The following RPA1 variants were observed in gnomAD, a reference collection of about 807,000 sequenced individuals.
The protein encoded by RPA1 is replication protein A1.
In RPA1, 49 loss-of-function variants were observed where a neutral mutation model predicts 83.0. That is an observed-to-expected ratio of 0.59 (90% CI 0.47 to 0.75). The LOEUF is 0.75. RPA1 is among the 30% of genes least tolerant of loss of function. The pLI is 0.00. For synonymous variants in RPA1, 279 were observed against 281.8 expected (o/e 0.99, Z 0.10); for missense variants, 693 against 776.1 (o/e 0.89, Z 1.27).
intron 15 of RPA1, among the ~76,000 whole-genome samples, 153 bp downstream of exon 15, chr17:1,892,093 G>A (rs1329321896): frequency 2.0e-5 from 3 of 151,168 alleles, no homozygotes; most frequent in Non-Finnish European, 2.9e-5. Flanking sequence ...CGCAGTCTCC[G>A]CCTCCCGGGT....
Position 1,875,682 on chromosome 17 carries a change from A to T in RPA1, c.476A>T (p.Tyr159Phe), listed in dbSNP as rs367869356. The T allele has an allele frequency of 1.9e-6, 3 of 1,613,998 alleles. No individual in the cohort carries two copies. ...AAAGGTTCTACTGTTTCTAAGGCTT[A>T]TGGTGCTTCAAAGACATTTGGAAAA... is the stretch of plus-strand genomic sequence containing the variant. ...SGMGSTVSKA[Y>F]GASKTFGKAA... The change falls in exon 7 of 17, where the codon TAT becomes TTT. Residue 159 changes from tyrosine (Y) to phenylalanine (F), a missense_variant. Tyr to Phe is a conservative substitution (Grantham distance 22). Transcript: ENST00000254719.
intron 1 of RPA1, among the ~76,000 whole-genome samples, chr17:1,831,699 C>T (rs1375185158): frequency 5.7e-5 from 8 of 139,846 alleles, no homozygotes; most frequent in Non-Finnish European, 9.3e-5. Flanking sequence ...CCTGGGTTCA[C>T]GCCATTCTCC....
chr17:1,857,130 A>G (rs961023116), intron 5 of RPA1, among the ~76,000 whole-genome samples: 3 of 151,812 alleles, frequency 2.0e-5, no homozygotes, highest in African/African-American at 4.8e-5. Flanking sequence ...GCAAATTTGG[A>G]TATGTTATAT....
chr17:1,881,883 G>A (rs1044390814), intron 12 of RPA1, among the ~76,000 whole-genome samples: 1 of 146,378 alleles, frequency 6.8e-6, no homozygotes, highest in East Asian at 2.0e-4. Flanking sequence ...TGTAAGAAGG[G>A]CCGCCTTGAC....
At chr17:1,854,438 A>G (rs1408190711) in intron 5 of RPA1, among the ~76,000 whole-genome samples, 2 of 152,202 alleles carry the variant, frequency 1.3e-5, no homozygotes, top group Non-Finnish European at 2.9e-5. Context: ...GGTACCTCAC[A>G]CCTGTAATCC....
chr17:1,883,933 C>T lies in RPA1; in HGVS notation c.1363C>T (p.Gln455Ter). Residue 455 changes from glutamine to a stop codon, truncating the protein, a stop_gained, in exon 13 of 17, where the codon CAA becomes TAA. Coordinates refer to ENST00000254719, the MANE Select transcript of RPA1 (RefSeq NM_002945.5). LOFTEE classifies it high-confidence loss of function. ...TGAGGTCAAATCCGAGAACCTGGGC[C>T]AAGGCGACAAGGTACCCAGCATTCC... ...LYEVKSENLGQGDKPDYFSSV... is the reference protein window; with the variant it reads ...LYEVKSENLG 6.2e-7 allele frequency: 1 copy of T among 1,613,826 alleles called. No individual in the cohort carries two copies. The highest frequency in any genetic ancestry group is 8.5e-7 in the Non-Finnish European group (1 of 1,179,980).
intron 5 of RPA1, among the ~76,000 whole-genome samples, chr17:1,856,196 T>A (rs1019410258): frequency 6.6e-6 from 1 of 151,648 alleles, no homozygotes; most frequent in African/African-American, 2.4e-5. Flanking sequence ...GTGGTGGCGC[T>A]CCTGCACCTG....
At position 1,872,482 on chromosome 17, in the gene RPA1, C is replaced by A. The variant is rs1284635352; in HGVS notation, c.410C>A (p.Ala137Glu). The stretch of plus-strand genomic sequence containing the variant: ...CCTCCAGCGCCAGCAGCCAGCCCAG[C>A]AGCAAGCAGCAGGCCCCAGCCGCAG... ...VAPPAPAASP[A>E]ASSRPQPQNG... Residue 137 changes from alanine to glutamate, a missense_variant, in exon 6 of 17, where the codon GCA (alanine) becomes GAA (glutamate). Coordinates refer to ENST00000254719, the MANE Select transcript of RPA1 (RefSeq NM_002945.5). 2 of 1,614,030 alleles carry A rather than the reference C, an allele frequency of 1.2e-6. No individual in the cohort carries two copies. The highest frequency in any genetic ancestry group is 2.2e-5 in the South Asian group (2 of 91,058).
intron 5 of RPA1, among the ~76,000 whole-genome samples, chr17:1,865,949 A>T (rs1456502540): frequency 6.6e-6 from 1 of 152,042 alleles, no homozygotes. Context: ...CTGTTTTTTT[A>T]AAGTTTTCTG....
chr17:1,855,244 C>A (rs1158723527), intron 5 of RPA1, among the ~76,000 whole-genome samples: 2 of 151,924 alleles, frequency 1.3e-5, no homozygotes, highest in East Asian at 3.9e-4. Flanking sequence ...CTCACTGCAA[C>A]CTCCGCCTCC....
chr17:1,899,624 G>C lies in RPA1; in HGVS notation c.*2449G>C, dbSNP rs892820948. On this transcript the variant is annotated 3_prime_UTR_variant, in exon 17 of 17. Transcript: ENST00000254719. ...CTCCCCCACTTCTGTTTCCTGAGTGGGCTGTCTTCAAAAAGTATAAATACT... is the reference window on the plus strand; with the variant it reads ...CTCCCCCACTTCTGTTTCCTGAGTGCGCTGTCTTCAAAAAGTATAAATACT... 6.6e-6 allele frequency: 1 copy of C among 151,934 alleles called. No homozygotes were observed. The highest frequency in any genetic ancestry group is 1.5e-5 in the Non-Finnish European group (1 of 67,994). The allele number at this position is 151,934 out of a possible 1,614,324, so 9.4% of individuals were successfully genotyped here.
At chr17:1,868,404 A>C (rs973358585) in intron 5 of RPA1, among the ~76,000 whole-genome samples, 5 of 152,174 alleles carry the variant, frequency 3.3e-5, no homozygotes, top group African/African-American at 9.7e-5. Context: ...CCTAATCCAG[A>C]ACTTGTGCCA....
chr17:1,896,392 G>A (rs553068522), intron 16 of RPA1, among the ~76,000 whole-genome samples: 1 of 152,340 alleles, frequency 6.6e-6, no homozygotes, highest in East Asian at 1.9e-4. Flanking sequence ...GTGGGCAGGG[G>A]GAGTGGTAGA....
chr17:1,875,075 C>T (rs919030854), intron 6 of RPA1, among the ~76,000 whole-genome samples: 2 of 152,218 alleles, frequency 1.3e-5, no homozygotes, highest in Non-Finnish European at 2.9e-5. Context: ...TCTTAGTGGT[C>T]ACCCACTTAA....
intron 1 of RPA1, among the ~76,000 whole-genome samples, chr17:1,832,379 T>C (rs1911652928): frequency 6.6e-6 from 1 of 151,994 alleles, no homozygotes; most frequent in Non-Finnish European, 1.5e-5. Flanking sequence ...CATTCACTTA[T>C]TGAATTATTT....
At chr17:1,896,988 C>T in intron 16 of RPA1, 83 bp from the exon 17 acceptor site, 1 of 1,147,928 alleles carries the variant, frequency 8.7e-7, no homozygotes, top group East Asian at 2.6e-5. Flanking sequence ...CCGCTGGGCT[C>T]ACTGAAACCA....
Position 1,842,868 on chromosome 17 carries a change from A to C in RPA1, c.84+15A>C, listed in dbSNP as rs767081993. The C allele has an allele frequency of 8.2e-5, 133 of 1,612,826 alleles. No homozygotes were observed. The highest frequency in any genetic ancestry group is 4.9e-4 in the Middle Eastern group (3 of 6,082). On this transcript the variant is annotated intron_variant, in intron 2 of 16. Transcript: ENST00000254719. ...TCCAAGTCATCGTAAGTACCTGCGT[A>C]TGTTATGTTCCATGTCAACTTCTTT... is the stretch of plus-strand genomic sequence containing the variant.
intron 5 of RPA1, among the ~76,000 whole-genome samples, chr17:1,864,765 T>A (rs1352349417): frequency 2.0e-5 from 3 of 151,820 alleles, no homozygotes; most frequent in African/African-American, 7.3e-5. Context: ...CCGAGTGTGG[T>A]GGCGGGCACC....
At chr17:1,869,995 C>T (rs766563654) in intron 5 of RPA1, among the ~76,000 whole-genome samples, 16 of 152,184 alleles carry the variant, frequency 1.1e-4, no homozygotes, top group East Asian at 3.9e-4. Context: ...CAGAATTGGT[C>T]GTTCACAGTT....
Sources: gnomAD v4.1 joint callset for allele counts (sites outside exome capture counted in the v4.1 genomes callset) on GRCh38, gnomAD v4.1.1 for gene constraint, MANE v1.5 for transcripts, NCBI Gene and HGNC (gene_info 2026-07-23, HGNC 2026-07-21) for gene names.